CDH8: variants seen among roughly 807,000 people sequenced by gnomAD.
The protein encoded by CDH8 is cadherin-8.
CDH8 carries 17 observed loss-of-function variants against 68.1 expected under a neutral mutation model. The ratio of observed to expected loss-of-function variants is 0.25; its 90% CI spans 0.17 to 0.37. The LOEUF (loss-of-function observed/expected upper bound fraction) is 0.37. Among genes scored for constraint, CDH8 ranks in the 10% least tolerant of loss-of-function variants. CDH8 has a pLI of 1.00. For missense variants in CDH8, 763 were observed against 999.3 expected, an observed-to-expected ratio of 0.76 and a Z score of 3.19; for synonymous variants, 372 against 365.1, an observed-to-expected ratio of 1.02 and a Z score of -0.21.
At chr16:61,910,075 TTAAA>T (rs1337409765) in intron 2 of CDH8, among the ~76,000 whole-genome samples, 7 of 152,156 alleles carry the variant, frequency 4.6e-5, no homozygotes, top group Non-Finnish European at 1.0e-4. Context: ...TCTAAGATTC[TTAAA>T]TACTTATTAT....
intron 2 of CDH8, among the ~76,000 whole-genome samples, chr16:61,966,913 G>A (rs1326021085): frequency 6.6e-6 from 1 of 152,024 alleles, no homozygotes; most frequent in East Asian, 1.9e-4. Flanking sequence ...CTTTAAAGAA[G>A]AGGAACATGG....
chr16:61,885,713 A>G (rs962694360), intron 3 of CDH8, among the ~76,000 whole-genome samples: 5 of 36,554 alleles, frequency 1.4e-4, no homozygotes, highest in Middle Eastern at 0.014. Flanking sequence ...TAGCAATCCA[A>G]AAAAAAAAAA....
At chr16:61,960,347 ATG>A (rs367922151) in intron 2 of CDH8, among the ~76,000 whole-genome samples, 518 of 26,584 alleles carry the variant, frequency 0.019, 141 homozygotes, top group South Asian at 0.028. Flanking sequence ...ACATATATAC[ATG>A]TGTGTGTGTA....
intron 4 of CDH8, among the ~76,000 whole-genome samples, chr16:61,846,040 T>C (rs1030477609): frequency 4.6e-5 from 7 of 152,124 alleles, no homozygotes; most frequent in Non-Finnish European, 7.4e-5. Context: ...GAAAGTCTCA[T>C]AGCTTTTTAA....
At chr16:61,827,878 T>A (rs139582890) in intron 4 of CDH8, among the ~76,000 whole-genome samples, 1 of 151,824 alleles carries the variant, frequency 6.6e-6, no homozygotes, top group Non-Finnish European at 1.5e-5. Flanking sequence ...TAACCTACTA[T>A]TGACCACAAA....
intron 7 of CDH8, among the ~76,000 whole-genome samples, chr16:61,810,951 G>C (rs1458361047): frequency 6.7e-6 from 1 of 149,570 alleles, no homozygotes; most frequent in Non-Finnish European, 1.5e-5. Context: ...TTGAACCCAA[G>C]AGGCTGAGGT....
At chr16:61,658,427 G>A (rs906847391) in intron 10 of CDH8, among the ~76,000 whole-genome samples, 2 of 151,488 alleles carry the variant, frequency 1.3e-5, no homozygotes, top group Non-Finnish European at 2.9e-5. Context: ...ATTATTTTTT[G>A]GTTGTTGTAT....
In CDH8 at chr16:61,652,010, G is replaced by A; in HGVS notation, c.*1598C>T. ...TGAAAAAAAAATTAATGACAACAAA[G>A]GTATTTATAAAAATATATTTCACAA... On this transcript the variant is annotated 3_prime_UTR_variant, in exon 12 of 12. Coordinates refer to ENST00000577390, the MANE Select transcript of CDH8 (RefSeq NM_001796.5). 2.5e-6 allele frequency: 2 copies of A among 792,704 alleles called. No individual in the cohort carries two copies. The highest frequency in any genetic ancestry group is 3.1e-6 in the Non-Finnish European group (2 of 654,656). 49.1% of individuals were successfully genotyped at this position (792,704 alleles called of 1,614,324 possible).
At chr16:61,959,733 CAT>C (rs1638820992) in intron 2 of CDH8, among the ~76,000 whole-genome samples, 1 of 150,164 alleles carries the variant, frequency 6.7e-6, no homozygotes, top group Admixed American at 6.7e-5. Context: ...TATACACACA[CAT>C]ATGTATGATA....
intron 7 of CDH8, among the ~76,000 whole-genome samples, chr16:61,812,077 AACAC>A (rs912174391): frequency 6.6e-6 from 1 of 152,026 alleles, no homozygotes; most frequent in Non-Finnish European, 1.5e-5. Flanking sequence ...ACACACCACA[AACAC>A]ACACACAAAC....
chr16:61,680,342 G>T (rs1181859553), intron 10 of CDH8, among the ~76,000 whole-genome samples: 1 of 151,886 alleles, frequency 6.6e-6, no homozygotes. Flanking sequence ...GTGATTGATG[G>T]TAGTAGGTGG....
chr16:61,753,398 C>T (rs1208484122), intron 8 of CDH8, among the ~76,000 whole-genome samples: 1 of 152,038 alleles, frequency 6.6e-6, no homozygotes, highest in South Asian at 2.1e-4. Context: ...TGCCACCACG[C>T]CCATCTAATT....
chr16:61,779,356 A>C (rs1163449634), intron 8 of CDH8, among the ~76,000 whole-genome samples: 1 of 152,012 alleles, frequency 6.6e-6, no homozygotes, highest in African/African-American at 2.4e-5. Context: ...AAAAAAGAAC[A>C]AACAAACCAA....
At chr16:61,691,962 T>C (rs1462097930) in intron 10 of CDH8, 1 of 152,078 alleles carries the variant, frequency 6.6e-6, no homozygotes, top group Non-Finnish European at 1.5e-5. Context: ...TGAAAATTAT[T>C]AATATGTGAG....
chr16:61,658,078 C>T (rs4344735), intron 10 of CDH8, among the ~76,000 whole-genome samples: 20,692 of 151,916 alleles, frequency 0.14, 1,585 homozygotes, highest in African/African-American at 0.2. Flanking sequence ...ACCTACTCAT[C>T]TATTTTTGTT....
At chr16:61,694,038 A>T (rs1964281795) in intron 10 of CDH8, among the ~76,000 whole-genome samples, 1 of 152,190 alleles carries the variant, frequency 6.6e-6, no homozygotes, top group African/African-American at 2.4e-5. Flanking sequence ...ATGAAGCAAC[A>T]GAGGCACTAG....
At chr16:61,714,647 T>C (rs1348391885) in intron 9 of CDH8, among the ~76,000 whole-genome samples, 2 of 151,742 alleles carry the variant, frequency 1.3e-5, no homozygotes, top group South Asian at 2.1e-4. Context: ...GTTTCATTTG[T>C]AAAGCTGCAT....
chr16:62,001,548 G>C (rs1038480460), intron 2 of CDH8, among the ~76,000 whole-genome samples: 8 of 152,124 alleles, frequency 5.3e-5, no homozygotes, highest in African/African-American at 1.9e-4. Context: ...GGCTTAACTT[G>C]TCAGTGATAA....
intron 3 of CDH8, among the ~76,000 whole-genome samples, chr16:61,867,093 CACTGAGCT>C (rs1250764084): frequency 2.0e-5 from 3 of 152,058 alleles, no homozygotes; most frequent in Admixed American, 6.6e-5. Context: ...GCCACTGAGC[CACTGAGCT>C]ACTGAGGAAT....
Sources: allele counts gnomAD v4.1 joint callset (sites outside exome capture counted in the v4.1 genomes callset), GRCh38; gene constraint gnomAD v4.1.1; transcripts MANE v1.5; gene names NCBI Gene and HGNC (gene_info 2026-07-23, HGNC 2026-07-21).